IGSF11: variants seen among roughly 807,000 people sequenced by gnomAD.
The protein encoded by IGSF11 is CXADR like 1.
In IGSF11, 22 loss-of-function variants were observed where a neutral mutation model predicts 41.0. That is an observed-to-expected ratio of 0.54 (90% confidence interval 0.38 to 0.77). IGSF11 has a LOEUF of 0.77. Ranked by LOEUF, IGSF11 falls within the 30% of genes least tolerant of loss-of-function variation. IGSF11 has a pLI of 0.00. For synonymous variants in IGSF11, 219 were observed against 201.3 expected, an observed-to-expected ratio of 1.09 and a Z score of -0.74; for missense variants, 444 against 530.8, an observed-to-expected ratio of 0.84 and a Z score of 1.61.
intron 1 of IGSF11, among the ~76,000 whole-genome samples, chr3:118,958,941 T>C (rs187223090): frequency 3.5e-4 from 53 of 152,342 alleles, no homozygotes; most frequent in African/African-American, 1.3e-3. Flanking sequence ...GAAGTCATCA[T>C]TTCATTTCAT....
chr3:118,911,310 G>A (rs1260236288), intron 4 of IGSF11, among the ~76,000 whole-genome samples: 1 of 152,116 alleles, frequency 6.6e-6, no homozygotes, highest in Admixed American at 6.5e-5. Flanking sequence ...TGATGAAGGA[G>A]AAATAAGCAC....
At chr3:119,035,005 G>C (rs1423081582), upstream of IGSF11, 1 of 216,036 alleles carries the variant, frequency 4.6e-6, no homozygotes, top group Non-Finnish European at 7.9e-6. Context: ...CCGCGGAGCA[G>C]AGCGCGGCGC....
chr3:119,005,027 C>T (rs56049109), intron 1 of IGSF11, among the ~76,000 whole-genome samples: 6,210 of 138,926 alleles, frequency 0.045, 156 homozygotes, highest in Middle Eastern at 0.061. Flanking sequence ...TTGTTGACTT[C>T]CTGTCTCGTT....
At chr3:119,017,464 T>A (rs942147487) in intron 1 of IGSF11, among the ~76,000 whole-genome samples, 1 of 152,178 alleles carries the variant, frequency 6.6e-6, no homozygotes, top group Non-Finnish European at 1.5e-5. Flanking sequence ...ACCACAGTCA[T>A]TGTATGTGTG....
chr3:119,034,943 C>T, upstream of IGSF11: 13 of 685,662 alleles, frequency 1.9e-5, no homozygotes, highest in Non-Finnish European at 2.4e-5. Context: ...CCCACTCGCC[C>T]CGCTTGGTCT....
intron 1 of IGSF11, among the ~76,000 whole-genome samples, chr3:118,960,298 T>C (rs1945257653): frequency 6.6e-6 from 1 of 152,172 alleles, no homozygotes; most frequent in South Asian, 2.1e-4. Flanking sequence ...CTTAAGATGG[T>C]GAAATTTTAA....
intron 1 of IGSF11, among the ~76,000 whole-genome samples, chr3:119,049,254 G>A (rs1178816280): frequency 6.6e-6 from 1 of 151,254 alleles, no homozygotes; most frequent in Non-Finnish European, 1.5e-5. Flanking sequence ...AAACCCCATT[G>A]TCTCAGCCCA....
At chr3:119,016,756 C>T (rs1419311297) in intron 1 of IGSF11, among the ~76,000 whole-genome samples, 4 of 152,082 alleles carry the variant, frequency 2.6e-5, no homozygotes, top group African/African-American at 7.2e-5. Flanking sequence ...ACATTATCTC[C>T]CACCCTCCTC....
intron 1 of IGSF11, among the ~76,000 whole-genome samples, chr3:119,006,197 G>A (rs1353809217): frequency 2.9e-4 from 37 of 129,018 alleles, no homozygotes; most frequent in African/African-American, 7.2e-4. Flanking sequence ...TTCCCTTCTC[G>A]CTTCTTTTCA....
At chr3:119,052,909 A>C (rs2107438462) in intron 1 of IGSF11, among the ~76,000 whole-genome samples, 1 of 152,302 alleles carries the variant, frequency 6.6e-6, no homozygotes, top group Admixed American at 6.5e-5. Context: ...TGATCATCTC[A>C]ACAGACTCTG....
chr3:119,084,864 C>T (rs1234473619), intron 1 of IGSF11, among the ~76,000 whole-genome samples: 1 of 152,190 alleles, frequency 6.6e-6, no homozygotes, highest in Non-Finnish European at 1.5e-5. Flanking sequence ...GCCAGTGGCT[C>T]CAGACTGCCA....
chr3:118,978,717 T>C (rs990663327), intron 1 of IGSF11, among the ~76,000 whole-genome samples: 3 of 152,164 alleles, frequency 2.0e-5, no homozygotes, highest in Non-Finnish European at 4.4e-5. Context: ...CACTATTGCA[T>C]GTACCCAGAA....
upstream of IGSF11, among the ~76,000 whole-genome samples, chr3:119,109,457 G>T (rs1036025145): frequency 3.3e-5 from 5 of 152,032 alleles, no homozygotes; most frequent in African/African-American, 1.2e-4. Context: ...ATTTTTTATT[G>T]CGTCTATTTG....
intron 5 of IGSF11, 30 bp downstream of exon 5, chr3:118,905,566 T>C: frequency 5.0e-6 from 8 of 1,612,830 alleles, no homozygotes; most frequent in Non-Finnish European, 6.8e-6. Flanking sequence ...TTCAGACCCA[T>C]GGTTGACATC....
At chr3:119,055,574 T>G (rs143127604) in intron 1 of IGSF11, among the ~76,000 whole-genome samples, 1,887 of 151,936 alleles carry the variant, frequency 0.012, 35 homozygotes, top group East Asian at 0.081. Flanking sequence ...AGACAGAAAG[T>G]TAACAAGGAT....
intron 1 of IGSF11, among the ~76,000 whole-genome samples, chr3:119,054,898 A>AC (rs201915637): frequency 0.2 from 30,537 of 151,936 alleles, 3,315 homozygotes; most frequent in Non-Finnish European, 0.24. Context: ...GGTCCCTGAC[A>AC]CCTGAGTAGC....
chr3:119,077,877 C>T (rs778424763), intron 1 of IGSF11, among the ~76,000 whole-genome samples: 2 of 152,100 alleles, frequency 1.3e-5, no homozygotes, highest in African/African-American at 2.4e-5. Flanking sequence ...CATTTCTATA[C>T]ACCAATAGCG....
chr3:119,015,225 T>C (rs994952966), intron 1 of IGSF11, among the ~76,000 whole-genome samples: 4 of 152,226 alleles, frequency 2.6e-5, no homozygotes, highest in African/African-American at 9.6e-5. Flanking sequence ...TAAGGCACTG[T>C]GGTATAGGAA....
At chr3:119,028,482 C>T (rs1319486796) in intron 1 of IGSF11, among the ~76,000 whole-genome samples, 3 of 152,098 alleles carry the variant, frequency 2.0e-5, no homozygotes, top group Admixed American at 6.5e-5. Context: ...ATACAGGTCC[C>T]TCAGGACTAA....
Sources: gnomAD v4.1 joint callset for allele counts (sites outside exome capture counted in the v4.1 genomes callset) on GRCh38, gnomAD v4.1.1 for gene constraint, MANE v1.5 for transcripts, NCBI Gene and HGNC (gene_info 2026-07-23, HGNC 2026-07-21) for gene names.